The following SLC1A1 variants were observed in gnomAD, a reference collection of about 807,000 sequenced individuals.
SLC1A1 encodes the protein solute carrier family 1 member 1, also known as excitatory amino acid transporter 3.
Under a neutral mutation model 53.3 loss-of-function variants are expected in SLC1A1, and 43 were observed. The observed-to-expected ratio is 0.81, with a 90% CI of 0.63 to 1.04. The LOEUF is 1.04. SLC1A1 is among the 50% of genes least tolerant of loss of function. The pLI is 0.00. For missense variants in SLC1A1, 748 were observed against 664.9 expected, an observed-to-expected ratio of 1.12 and a Z score of -1.37; for synonymous variants, 307 against 243.2, an observed-to-expected ratio of 1.26 and a Z score of -2.44.
intron 1 of SLC1A1, among the ~76,000 whole-genome samples, chr9:4,528,482 A>T (rs1356630826): frequency 2.6e-5 from 4 of 152,152 alleles, no homozygotes; most frequent in African/African-American, 9.7e-5. Flanking sequence ...AGACTGAGGC[A>T]GGAGAATGGC....
chr9:4,530,375 T>C lies in SLC1A1; in HGVS notation c.92-14192T>C, dbSNP rs958884792. Among the ~76,000 whole-genome samples the C allele has an allele frequency of 1.0e-3, 158 of 152,150 alleles. 1 individual carries two copies. The highest frequency in any genetic ancestry group is 2.4e-4 in the Non-Finnish European group (16 of 68,042). ...AGTATGTTAATGATGCAGAATACAA[T>C]GTAACCTTTGATTCAGGAGCGGCTT... On this transcript the variant is annotated intron_variant, in intron 1 of 11. Coordinates refer to ENST00000262352, the MANE Select transcript of SLC1A1 (RefSeq NM_004170.6).
chr9:4,502,836 G>A (rs1820682450), intron 1 of SLC1A1, among the ~76,000 whole-genome samples: 1 of 151,712 alleles, frequency 6.6e-6, no homozygotes, highest in Non-Finnish European at 1.5e-5. Context: ...CCTCCTTCTT[G>A]CTTCATCCTT....
Position 4,561,519 on chromosome 9 carries a change from C to T in SLC1A1, c.303C>T (p.Thr101=). 1 of 1,595,192 alleles carries T rather than the reference C, an allele frequency of 6.3e-7. No individual in the cohort carries two copies. Among genetic ancestry groups the T allele is most frequent in the Admixed American group, 1.7e-5 (1 of 59,990 alleles). ...GLRAVVYYFC[T]TLIAVILGIV... Reference sequence around the variant, plus strand: ...GCGCTGTCGTGTATTATTTCTGTACCACTCTCATTGCTGTTATTCTAGGTA... The same window carrying T: ...GCGCTGTCGTGTATTATTTCTGTACTACTCTCATTGCTGTTATTCTAGGTA... Residue 101 remains threonine (T), a synonymous_variant, in exon 3 of 12, where the codon ACC becomes ACT. Coordinates refer to ENST00000262352, the MANE Select transcript of SLC1A1 (RefSeq NM_004170.6).
At chr9:4,507,022 G>A (rs556242855) in intron 1 of SLC1A1, among the ~76,000 whole-genome samples, 1 of 152,252 alleles carries the variant, frequency 6.6e-6, no homozygotes, top group Non-Finnish European at 1.5e-5. Context: ...ACTAGGTCAG[G>A]AAATGGAGAC....
chr9:4,562,123 G>C (rs1341818356), intron 3 of SLC1A1, among the ~76,000 whole-genome samples: 2 of 145,240 alleles, frequency 1.4e-5, no homozygotes, highest in Non-Finnish European at 3.0e-5. Context: ...CCAGGCTAGA[G>C]TGCAGTGGCA....
chr9:4,521,568 C>T (rs1461840593), intron 1 of SLC1A1, among the ~76,000 whole-genome samples: 1 of 152,100 alleles, frequency 6.6e-6, no homozygotes, highest in Non-Finnish European at 1.5e-5. Context: ...AATTCTGGGG[C>T]GGATGAACCC....
At chr9:4,573,762 C>T (rs910403070) in intron 7 of SLC1A1, 145 bp from the exon 8 acceptor site, 1 of 742,844 alleles carries the variant, frequency 1.3e-6, no homozygotes, top group Non-Finnish European at 2.5e-6. Flanking sequence ...CTTGAAACAA[C>T]TCTTAGCTTC....
At chr9:4,529,502 T>C (rs1014843063) in intron 1 of SLC1A1, among the ~76,000 whole-genome samples, 1 of 152,194 alleles carries the variant, frequency 6.6e-6, no homozygotes, top group African/African-American at 2.4e-5. Context: ...GCTGTCTTTG[T>C]AGTCACACAG....
chr9:4,565,774 C>T (rs1417654164), intron 4 of SLC1A1, among the ~76,000 whole-genome samples: 1 of 152,170 alleles, frequency 6.6e-6, no homozygotes, highest in Non-Finnish European at 1.5e-5. Context: ...TAAATAGTCT[C>T]TTGACTGTGA....
At chr9:4,491,245 C>A (rs1400916842) in intron 1 of SLC1A1, among the ~76,000 whole-genome samples, 1 of 152,222 alleles carries the variant, frequency 6.6e-6, no homozygotes, top group Non-Finnish European at 1.5e-5. Flanking sequence ...CCGGGATGGG[C>A]CGGACCCTTA....
At chr9:4,553,284 A>G (rs1818085979) in intron 2 of SLC1A1, 1 of 152,012 alleles carries the variant, frequency 6.6e-6, no homozygotes, top group Admixed American at 6.6e-5. Flanking sequence ...CTAACTACAA[A>G]TACCACCGTG....
chr9:4,524,178 C>G (rs761740207), intron 1 of SLC1A1, among the ~76,000 whole-genome samples: 1 of 152,170 alleles, frequency 6.6e-6, no homozygotes, highest in African/African-American at 2.4e-5. Flanking sequence ...TTTAATATAA[C>G]AAGTTCTTGA....
intron 8 of SLC1A1, among the ~76,000 whole-genome samples, chr9:4,574,535 A>T (rs1820366875): frequency 6.6e-6 from 1 of 152,004 alleles, no homozygotes; most frequent in South Asian, 2.1e-4. Context: ...GTGCCAGGAG[A>T]ATCTTGAGGC....
chr9:4,528,356 G>A (rs948248511), intron 1 of SLC1A1, among the ~76,000 whole-genome samples: 6 of 152,090 alleles, frequency 3.9e-5, no homozygotes, highest in Non-Finnish European at 8.8e-5. Context: ...GCAGATCACG[G>A]GGTCAGGAGA....
intron 3 of SLC1A1, 80 bp from the exon 4 acceptor site, chr9:4,564,264 C>A: frequency 1.1e-6 from 1 of 929,794 alleles, no homozygotes; most frequent in Non-Finnish European, 1.7e-6. Context: ...TACAACCATG[C>A]CCATTGTTCT....
At position 4,490,665 on chromosome 9, in the gene SLC1A1, A is replaced by G. The variant is rs1199574725; in HGVS notation, c.-15A>G. On this transcript the variant is annotated 5_prime_UTR_variant, in exon 1 of 12. Transcript: ENST00000262352. ...CGCGCACGGCCGAGCCCAGCGCACA[A>G]TAGCGGCGACAGCCATGGGGAAACC... is the stretch of plus-strand genomic sequence containing the variant. 3 of 1,610,392 alleles carry G rather than the reference A, an allele frequency of 1.9e-6. No individual in the cohort carries two copies. In the East Asian group the frequency reaches 6.7e-5, roughly 36 times the overall value.
chr9:4,491,371 C>A (rs1005011118), intron 1 of SLC1A1, among the ~76,000 whole-genome samples: 3 of 152,226 alleles, frequency 2.0e-5, no homozygotes, highest in Admixed American at 6.5e-5. Flanking sequence ...CTGCCAGATT[C>A]GTGCCTGAAT....
At chr9:4,519,656 C>T (rs1422342000) in intron 1 of SLC1A1, among the ~76,000 whole-genome samples, 1 of 152,186 alleles carries the variant, frequency 6.6e-6, no homozygotes, top group Non-Finnish European at 1.5e-5. Context: ...ATGCTCAGGA[C>T]AGCCATATGA....
chr9:4,525,333 C>T (rs539057224), intron 1 of SLC1A1, among the ~76,000 whole-genome samples: 18 of 152,264 alleles, frequency 1.2e-4, no homozygotes, highest in Admixed American at 1.0e-3. Flanking sequence ...ATTTACACCA[C>T]TGTGTAATGC....
Sources: gnomAD v4.1 joint callset for allele counts (sites outside exome capture counted in the v4.1 genomes callset) on GRCh38, gnomAD v4.1.1 for gene constraint, MANE v1.5 for transcripts, NCBI Gene and HGNC (gene_info 2026-07-23, HGNC 2026-07-21) for gene names.